Variants in GPAT2 observed in about 807,000 individuals in gnomAD.
GPAT2 encodes the protein 1-acylglycerol-3-phosphate O-acyltransferase GPAT2.
Under a neutral mutation model 71.0 loss-of-function variants are expected in GPAT2, and 51 were observed. The ratio of observed to expected loss-of-function variants is 0.72; its 90% confidence interval spans 0.57 to 0.91. The LOEUF (loss-of-function observed/expected upper bound fraction) is 0.91, where lower values mean the gene tolerates loss of function less well. Among genes scored for constraint, GPAT2 ranks in the 40% least tolerant of loss-of-function variants. The pLI is 0.00. For missense variants in GPAT2, 511 were observed against 666.0 expected (o/e 0.77, Z 2.56); for synonymous variants, 222 against 290.3 (o/e 0.76, Z 2.39).
Position 96,024,219 on chromosome 2 carries a change from G to T in GPAT2, c.1806C>A (p.His602Gln). ...ELYRQILLLMHLLPQDLLLLK... is the reference protein window; with the variant it reads ...ELYRQILLLMQLLPQDLLLLK... ...GCAGCAGCAGGTCTTGCGGCAGCAG[G>T]TGCATCAGCAGCAGGATCTGGCGGT... The change falls in exon 16 of 22, where the codon CAC (histidine) becomes CAA (glutamine). Residue 602 changes from histidine (H) to glutamine (Q), a missense_variant. Physicochemically the swap from His to Gln is conservative, Grantham distance 24 (BLOSUM62 0). Coordinates refer to ENST00000434632, the MANE Select transcript of GPAT2 (RefSeq NM_001321527.2). The T allele has an allele frequency of 6.5e-7, 1 of 1,541,076 alleles. No individual in the cohort carries two copies. The highest frequency in any genetic ancestry group is 8.8e-7 in the Non-Finnish European group (1 of 1,138,714).
rs867174871 is a variant in GPAT2, at chr2:96,024,302, G to A, written c.1723C>T (p.Pro575Ser). 3 of 1,562,570 alleles carry A rather than the reference G, an allele frequency of 1.9e-6. No homozygotes were observed. The highest frequency in any genetic ancestry group is 1.7e-4 in the Middle Eastern group (1 of 5,804). The change falls in exon 16 of 22, where the codon CCG becomes TCG. Residue 575 changes from proline (P) to serine (S), a missense_variant. Coordinates refer to ENST00000434632, the MANE Select transcript of GPAT2 (RefSeq NM_001321527.2). ...AVRGLLAGRVPPQGPWELQGI... is the reference protein window; with the variant it reads ...AVRGLLAGRVSPQGPWELQGI... The stretch of plus-strand genomic sequence containing the variant: ...TGCAGCTCCCAGGGCCCCTGGGGCG[G>A]CACTCTGCCTGCCAGCAGCCCCCGC...
At chr2:96,024,910 C>T (rs1680224716) in intron 13 of GPAT2, 67 bp from the exon 14 acceptor site, 3 of 1,565,902 alleles carry the variant, frequency 1.9e-6, no homozygotes, top group South Asian at 2.2e-5. Context: ...CCTCCATGAT[C>T]TAGCAAGTCT....
At chr2:96,025,263 G>A (rs1680270756) in intron 13 of GPAT2, 1 of 621,316 alleles carries the variant, frequency 1.6e-6, no homozygotes, top group Non-Finnish European at 2.7e-6. Flanking sequence ...CTGGCCTCAG[G>A]CCACCATCTT....
Position 96,032,426 on chromosome 2 carries a change from C to G in GPAT2, c.-60-7G>C. On this transcript the variant is annotated splice_region_variant and splice_polypyrimidine_tract_variant and intron_variant, in intron 1 of 21. Transcript: ENST00000434632. Reference sequence around the variant, plus strand: ...TCCTTCTCCCCACAGAAACCTGAGCCGGGGAAAGGTGCAAGGATGGAGCCA... The same window carrying G: ...TCCTTCTCCCCACAGAAACCTGAGCGGGGGAAAGGTGCAAGGATGGAGCCA... 8.1e-7 allele frequency: 1 copy of G among 1,241,630 alleles called. No individual in the cohort carries two copies. The highest frequency in any genetic ancestry group is 1.1e-6 in the Non-Finnish European group (1 of 935,856). The allele number at this position is 1,241,630 out of a possible 1,614,324, so 76.9% of individuals were successfully genotyped here.
chr2:96,030,054 CTGTTCGCCTCATTCT>C, intron 6 of GPAT2, among the ~76,000 whole-genome samples: 1 of 89,286 alleles, frequency 1.1e-5, no homozygotes, highest in Non-Finnish European at 2.3e-5. Flanking sequence ...TCTAGCAAGA[CTGTTCGCCTCATTCT>C]TGTTCGCCTT....
rs1321534211 is a variant in GPAT2 at position 96,022,169 on chromosome 2, A to G, written c.2396T>C (p.Ile799Thr). The G allele has an allele frequency of 6.2e-6, 10 of 1,610,822 alleles. No homozygotes were observed. The highest frequency in any genetic ancestry group is 8.5e-6 in the Non-Finnish European group (10 of 1,179,342). Residue 799 changes from isoleucine (I) to threonine (T), a missense_variant, in exon 22 of 22, where the codon ATT (isoleucine) becomes ACT (threonine). Ile to Thr is a moderately conservative substitution (Grantham distance 89). Transcript: ENST00000434632. ...CTCCTCCTCACAGTTCTAGCTACAA[A>G]TGAACTGCCGGATGAACTGTTCTAG... ...EKLEQFIRQF[I>T]CS
Position 96,021,983 on chromosome 2 carries a change from C to T in GPAT2, c.*176G>A, listed in dbSNP as rs1008272032. ...GGGGAAAAGACAACTCGTCTCGTCC[C>T]CTTGTTTATCACATCAAAGAAGGGA... On this transcript the variant is annotated 3_prime_UTR_variant, in exon 22 of 22. Transcript: ENST00000434632. 7.1e-6 allele frequency: 10 copies of T among 1,416,618 alleles called. No individual in the cohort carries two copies. The highest frequency in any genetic ancestry group is 9.4e-6 in the Non-Finnish European group (10 of 1,068,280). 87.8% of individuals were successfully genotyped at this position (1,416,618 alleles called of 1,614,324 possible).
chr2:96,023,315 G>C lies in GPAT2; in HGVS notation c.2040C>G (p.Tyr680Ter). The change falls in exon 18 of 22, where the codon TAC (tyrosine) becomes TAG (stop). Residue 680 changes from tyrosine to a stop codon, truncating the protein, a stop_gained. Coordinates refer to ENST00000434632, the MANE Select transcript of GPAT2 (RefSeq NM_001321527.2). LOFTEE classifies it high-confidence loss of function. ...SDDFGEADGR[Y>*]FRLSQQSHCP... is the part of the protein sequence containing the mutation. ...GCAGCTTTTTGAAACACACCCTGAA[G>C]TACCGGCCGTCAGCCTCTCCGAAGT... is the stretch of plus-strand genomic sequence containing the variant. The C allele has an allele frequency of 6.2e-7, 1 of 1,614,208 alleles. No homozygotes were observed. Among genetic ancestry groups the C allele is most frequent in the East Asian group, 2.2e-5 (1 of 44,890 alleles).
rs751004011 is a variant in GPAT2, at chr2:96,026,034, G to A, written c.1156-22C>T. On this transcript the variant is annotated intron_variant, in intron 11 of 21. Transcript: ENST00000434632. The stretch of plus-strand genomic sequence containing the variant: ...ATTCCTGCCCAAGAGAAGGCTCTTA[G>A]GTGGCCTGCTCGGGCCCACCAGGAA... 1.7e-5 allele frequency: 27 copies of A among 1,611,812 alleles called. No homozygotes were observed. In the South Asian group the frequency reaches 3.0e-4, roughly 18 times the overall value.
chr2:96,022,131 G>A lies in GPAT2; in HGVS notation c.*28C>T. 6.2e-7 allele frequency: 1 copy of A among 1,606,996 alleles called. No individual in the cohort carries two copies. The highest frequency in any genetic ancestry group is 8.5e-7 in the Non-Finnish European group (1 of 1,177,490). On this transcript the variant is annotated 3_prime_UTR_variant, in exon 22 of 22. Transcript: ENST00000434632. ...CACAGCTGTGTTCTGGGGCTGAGAAGTCTCAGCACAGGCTCCTCCTCACAG... is the reference window on the plus strand; with the variant it reads ...CACAGCTGTGTTCTGGGGCTGAGAAATCTCAGCACAGGCTCCTCCTCACAG...
In GPAT2 at chr2:96,025,972, T is replaced by C. The variant is rs1177916685; in HGVS notation, c.1196A>G (p.Gln399Arg). ...GGGCTGCAGTAGCTGCTCCAGGGTC[T>C]GTCTGCCGCCCCAGCAGCTTCTGGC... ...VSARSCWGGR[Q>R]TLEQLLQPIV... Residue 399 changes from glutamine to arginine, a missense_variant, in exon 12 of 22, where the codon CAG (glutamine) becomes CGG (arginine). Physicochemically the swap from Gln to Arg is conservative, Grantham distance 43 (BLOSUM62 1). Around this residue, in one of 7 missense-constraint regions of GPAT2, gnomAD observed 79 missense variants for 111.4 expected, o/e 0.71. Transcript: ENST00000434632. 6.2e-7 allele frequency: 1 copy of C among 1,612,710 alleles called. No homozygotes were observed. The highest frequency in any genetic ancestry group is 1.3e-5 in the African/African-American group (1 of 75,028).
intron 6 of GPAT2, 131 bp downstream of exon 6, chr2:96,030,275 C>A: frequency 1.9e-6 from 1 of 530,772 alleles, no homozygotes; most frequent in Non-Finnish European, 3.5e-6. Context: ...AGGCAGGCTG[C>A]AGCCCACTCT....
At position 96,024,505 on chromosome 2, in the gene GPAT2, G is replaced by C; in HGVS notation, c.1609C>G (p.Gln537Glu). The part of the protein sequence containing the change: ...IRQGDLLVVP[Q>E]PGPGLTHLAQ... Reference sequence around the variant, plus strand: ...AGGTGTGTGAGGCCTGGGCCAGGCTGCGGCACCACCAGCAAGTCACCCTGA... The same window carrying C: ...AGGTGTGTGAGGCCTGGGCCAGGCTCCGGCACCACCAGCAAGTCACCCTGA... Residue 537 changes from glutamine (Q) to glutamate (E), a missense_variant, in exon 15 of 22, where the codon CAG becomes GAG. Transcript: ENST00000434632. The C allele has an allele frequency of 1.2e-6, 2 of 1,613,960 alleles. No individual in the cohort carries two copies. The highest frequency in any genetic ancestry group is 1.7e-6 in the Non-Finnish European group (2 of 1,179,960).
Position 96,023,335 on chromosome 2 carries a change from C to T in GPAT2, c.2020G>A (p.Gly674Arg), listed in dbSNP as rs780391399. 38 of 1,614,090 alleles carry T rather than the reference C, an allele frequency of 2.4e-5. No homozygotes were observed. Among genetic ancestry groups the T allele is most frequent in the Admixed American group, 5.0e-5 (3 of 60,004 alleles). Residue 674 changes from glycine (G) to arginine (R), a missense_variant, in exon 18 of 22, where the codon GGA (glycine) becomes AGA (arginine). Physicochemically the swap from Gly to Arg is moderately radical, Grantham distance 125. Coordinates refer to ENST00000434632, the MANE Select transcript of GPAT2 (RefSeq NM_001321527.2). ...CTGAAGTACCGGCCGTCAGCCTCTC[C>T]GAAGTCATCACTGTCACTATCAGTA... ...DFTDSDSDDF[G>R]EADGRYFRLS...
chr2:96,024,126 G>T, intron 16 of GPAT2, 63 bp downstream of exon 16: 2 of 1,537,436 alleles, frequency 1.3e-6, no homozygotes, highest in Admixed American at 4.2e-5. Context: ...GGGCAGGGAT[G>T]GGCCATTCCT....
chr2:96,034,026 A>G (rs1255099153), intron 1 of GPAT2, among the ~76,000 whole-genome samples: 5 of 151,608 alleles, frequency 3.3e-5, no homozygotes, highest in Non-Finnish European at 7.4e-5. Context: ...ACACACATAT[A>G]TACATATATA....
At chr2:96,022,892 A>C in intron 20 of GPAT2, 66 bp downstream of exon 20, 1 of 1,612,818 alleles carries the variant, frequency 6.2e-7, no homozygotes, top group South Asian at 1.1e-5. Context: ...ACTGTCCTGC[A>C]GGGGGCAGCA....
chr2:96,025,448 A>T (rs750181188), intron 13 of GPAT2, 37 bp downstream of exon 13: 3 of 1,572,286 alleles, frequency 1.9e-6, no homozygotes, highest in African/African-American at 1.4e-5. Flanking sequence ...CGGTTCAGTG[A>T]CCCACCCGCA....
At position 96,023,987 on chromosome 2, in the gene GPAT2, G is replaced by A; in HGVS notation, c.1850C>T (p.Ser617Phe). The A allele has an allele frequency of 6.2e-7, 1 of 1,601,598 alleles. No homozygotes were observed. Among genetic ancestry groups the A allele is most frequent in the South Asian group, 1.1e-5 (1 of 88,754 alleles). Residue 617 changes from serine to phenylalanine, a missense_variant, in exon 17 of 22, where the codon TCC (serine) becomes TTC (phenylalanine). Transcript: ENST00000434632. Reference sequence around the variant, plus strand: ...CAGCACCTCCTGACAGTAGCAGTAGGAAGACTGGCAGGGCTGGGAGAAAAA... The same window carrying A: ...CAGCACCTCCTGACAGTAGCAGTAGAAAGACTGGCAGGGCTGGGAGAAAAA... ...DLLLLKPCQSSYCYCQEVLDR... is the reference protein window; with the variant it reads ...DLLLLKPCQSFYCYCQEVLDR...
Sources: gnomAD v4.1 joint callset for allele counts (sites outside exome capture counted in the v4.1 genomes callset) on GRCh38, gnomAD v4.1.1 for gene constraint, gnomAD v4.1.1 regional missense constraint, MANE v1.5 for transcripts, NCBI Gene and HGNC (gene_info 2026-07-23, HGNC 2026-07-21) for gene names.